Variants in PUM1 observed in about 807,000 individuals in gnomAD.
PUM1 encodes pumilio RNA binding family member 1.
A neutral mutation model predicts 131.8 loss-of-function variants in PUM1; 13 were observed. The observed-to-expected ratio is 0.10, with a 90% CI of 0.06 to 0.16. The LOEUF is 0.16. PUM1 is among the 10% of genes least tolerant of loss of function. The pLI, the probability that PUM1 is intolerant of heterozygous loss-of-function variation, is 1.00. For synonymous variants in PUM1, 509 were observed against 556.5 expected (o/e 0.91, Z 1.20); for missense variants, 961 against 1,512.4 (o/e 0.64, Z 6.05).
rs778192928 is a variant in PUM1 at position 31,006,058 on chromosome 1, ACAGTGCAGC to A, written c.542-36_542-28del. 1.9e-6 allele frequency: 3 copies of A among 1,560,472 alleles called. No individual in the cohort carries two copies. In the Admixed American group the frequency reaches 5.7e-5, roughly 30 times the overall value. On this transcript the variant is annotated intron_variant, in intron 4 of 21. Transcript: ENST00000426105. ...TACAAAAAAGATACACAAGCATGAT[ACAGTGCAGC>A]CAGAGGCTCAAACAAATTATGAGTG... is the stretch of plus-strand genomic sequence containing the variant.
At chr1:31,012,577 C>T (rs1642663702) in intron 3 of PUM1, among the ~76,000 whole-genome samples, 1 of 134,342 alleles carries the variant, frequency 7.4e-6, no homozygotes, top group African/African-American at 2.7e-5. Context: ...AAAAAAAATT[C>T]AGTAAGCTTA....
chr1:31,005,220 A>G (rs1204467246), intron 5 of PUM1, among the ~76,000 whole-genome samples: 1 of 152,264 alleles, frequency 6.6e-6, no homozygotes, highest in African/African-American at 2.4e-5. Flanking sequence ...GAAAAAGGCT[A>G]TAGACACAGA....
intron 9 of PUM1, among the ~76,000 whole-genome samples, chr1:30,975,845 G>T (rs912760824): frequency 3.3e-5 from 5 of 151,974 alleles, no homozygotes; most frequent in Non-Finnish European, 7.4e-5. Flanking sequence ...ATTACGGGAG[G>T]CCAAGTTGGG....
At position 31,001,559 on chromosome 1, in the gene PUM1, GC is replaced by G. The variant is rs200916619; in HGVS notation, c.720+4293del. Among the ~76,000 whole-genome samples the G allele has an allele frequency of 5.1e-3, 771 of 152,166 alleles. 3 individuals carry two copies. The highest frequency in any genetic ancestry group is 0.032 in the East Asian group (164 of 5,182). On this transcript the variant is annotated intron_variant, in intron 5 of 21. Coordinates refer to ENST00000426105, the MANE Select transcript of PUM1 (RefSeq NM_001020658.2). The stretch of plus-strand genomic sequence containing the variant: ...TTAGAACAAACAAAGTTTGAATTCA[GC>G]CCCCCATTTCCCCTCTAAGACTCAG...
In PUM1 at chr1:30,974,810, T is replaced by C. The variant is rs200488392; in HGVS notation, c.1355-8A>G. ...GAGGGACCACAGCTGGGCCTAAAAA[T>C]AGCAAAAGAAAGGTAAAGAAAGTCT... On this transcript the variant is annotated splice_polypyrimidine_tract_variant and splice_region_variant and intron_variant, in intron 9 of 21. Coordinates refer to ENST00000426105, the MANE Select transcript of PUM1 (RefSeq NM_001020658.2). 53 of 1,597,966 alleles carry C rather than the reference T, an allele frequency of 3.3e-5. No individual in the cohort carries two copies. Among genetic ancestry groups the C allele is most frequent in the Non-Finnish European group, 1.0e-5 (12 of 1,171,520 alleles).
chr1:30,983,738 C>T (rs1275398051), intron 7 of PUM1, among the ~76,000 whole-genome samples: 5 of 150,560 alleles, frequency 3.3e-5, no homozygotes, highest in African/African-American at 9.8e-5. Context: ...CAAGTAGCTG[C>T]GCATGTCACC....
chr1:30,971,406 TTAG>T (rs1640867454), intron 10 of PUM1, among the ~76,000 whole-genome samples: 1 of 152,216 alleles, frequency 6.6e-6, no homozygotes, highest in African/African-American at 2.4e-5. Flanking sequence ...TAAAAACTTC[TTAG>T]TAGGGTTTGA....
intron 10 of PUM1, among the ~76,000 whole-genome samples, chr1:30,970,829 AAG>A (rs1315237934): frequency 6.6e-6 from 1 of 152,206 alleles, no homozygotes; most frequent in Non-Finnish European, 1.5e-5. Context: ...AAAACAATGA[AAG>A]CATTGCTTTC....
intron 21 of PUM1, 123 bp from the exon 22 acceptor site, chr1:30,933,465 CACACACACACACACACACA>C: frequency 1.2e-6 from 1 of 816,824 alleles, no homozygotes; most frequent in Non-Finnish European, 2.0e-6. Flanking sequence ...CACACACACA[CACACACACACACACACACA>C]CCCCTACAGC....
At position 30,969,086 on chromosome 1, in the gene PUM1, CAG is replaced by C. The variant is rs576468171; in HGVS notation, c.1507-596_1507-595del. 9.9e-5 allele frequency among the ~76,000 whole-genome samples: 15 copies of C among 152,028 alleles called. No individual in the cohort carries two copies. The South Asian group carries it at 1.0e-3, about 11-fold the overall frequency. On this transcript the variant is annotated intron_variant, in intron 10 of 21. Coordinates refer to ENST00000426105, the MANE Select transcript of PUM1 (RefSeq NM_001020658.2). ...TGGGAGGCCGAGGCAGGTGGATTAT[CAG>C]AGGTCAGGAGTTCGAGACCAGCCTG...
At chr1:31,013,275 G>A (rs980595428) in intron 3 of PUM1, among the ~76,000 whole-genome samples, 5 of 152,004 alleles carry the variant, frequency 3.3e-5, no homozygotes, top group Admixed American at 2.0e-4. Context: ...TGACCATACC[G>A]CCACTAATAT....
At chr1:31,033,517 C>T (rs990457771) in intron 2 of PUM1, among the ~76,000 whole-genome samples, 22 of 151,602 alleles carry the variant, frequency 1.5e-4, no homozygotes, top group African/African-American at 4.6e-4. Context: ...CTCAGCCTCC[C>T]GAGTATCCAG....
At chr1:31,017,419 C>A (rs1296964272) in intron 3 of PUM1, among the ~76,000 whole-genome samples, 1 of 152,164 alleles carries the variant, frequency 6.6e-6, no homozygotes, top group Non-Finnish European at 1.5e-5. Context: ...GAATTTAGAG[C>A]AAGCTTGTCC....
At chr1:31,003,672 G>A (rs1018240860) in intron 5 of PUM1, among the ~76,000 whole-genome samples, 1 of 152,082 alleles carries the variant, frequency 6.6e-6, no homozygotes, top group Non-Finnish European at 1.5e-5. Context: ...CAGGAGAATC[G>A]TTTGAACCCT....
chr1:30,951,492 G>A (rs1210249512), intron 16 of PUM1, among the ~76,000 whole-genome samples: 1 of 152,124 alleles, frequency 6.6e-6, no homozygotes, highest in East Asian at 1.9e-4. Context: ...TTTGTGGTAG[G>A]TAATGTGCAG....
chr1:31,032,073 AC>A (rs1434008615), intron 2 of PUM1, among the ~76,000 whole-genome samples: 1 of 152,160 alleles, frequency 6.6e-6, no homozygotes, highest in Non-Finnish European at 1.5e-5. Context: ...AGGAGGCTCA[AC>A]TTCTAAGAGT....
chr1:30,975,124 T>G (rs918584134), intron 9 of PUM1, among the ~76,000 whole-genome samples: 20 of 152,072 alleles, frequency 1.3e-4, no homozygotes, highest in Admixed American at 1.1e-3. Flanking sequence ...ACAATATCTG[T>G]TGGTAGAAGG....
At position 31,059,259 on chromosome 1, in the gene PUM1, T is replaced by C. The variant is rs539966622; in HGVS notation, c.308A>G (p.Tyr103Cys). 6.2e-6 allele frequency: 10 copies of C among 1,613,004 alleles called. No individual in the cohort carries two copies. The highest frequency in any genetic ancestry group is 4.5e-5 in the East Asian group (2 of 44,872). ...AGGCCATCGATGTTTGCTATTATTA[T>C]AGCCGCCTCCTCCACTTCCTCCTCC... ...LGGGGSGGGGYNNSKHRWPTG... is the reference protein window; with the variant it reads ...LGGGGSGGGGCNNSKHRWPTG... The change falls in exon 2 of 22, where the codon TAT becomes TGT. Residue 103 changes from tyrosine to cysteine, a missense_variant. By Grantham distance (194) the Tyr-to-Cys change is radical (BLOSUM62 -2). This residue lies in a region of PUM1 where 654 missense variants were observed against 923.9 expected (regional missense o/e 0.71). Transcript: ENST00000426105.
intron 21 of PUM1, among the ~76,000 whole-genome samples, chr1:30,933,547 C>A (rs576813211): frequency 2.0e-5 from 3 of 152,024 alleles, no homozygotes; most frequent in African/African-American, 7.2e-5. Context: ...CTTTGGCAAC[C>A]CATCAGATGA....
Sources: gnomAD v4.1 joint callset for allele counts (sites outside exome capture counted in the v4.1 genomes callset) on GRCh38, gnomAD v4.1.1 for gene constraint, gnomAD v4.1.1 regional missense constraint, MANE v1.5 for transcripts, NCBI Gene and HGNC (gene_info 2026-07-23, HGNC 2026-07-21) for gene names.